Variants in ACTN1 observed in about 807,000 individuals in gnomAD.
ACTN1 encodes actinin alpha 1, also known as alpha-actinin-1.
A neutral mutation model predicts 119.6 loss-of-function variants in ACTN1; 30 were observed. The ratio of observed to expected loss-of-function variants is 0.25; its 90% confidence interval spans 0.19 to 0.34. ACTN1 has a LOEUF of 0.34. Ranked by LOEUF, ACTN1 falls within the 10% of genes least tolerant of loss-of-function variation. ACTN1 has a pLI of 1.00. For synonymous variants in ACTN1, 429 were observed against 472.6 expected (o/e 0.91, Z 1.20); for missense variants, 764 against 1,223.4 (o/e 0.62, Z 5.60).
At position 68,885,879 on chromosome 14, in the gene ACTN1, C is replaced by G. The variant is rs1196573683; in HGVS notation, c.1235-304G>C. Reference sequence around the variant, plus strand: ...GACGCTATACACACAGCGGGAAACACAGCCATCCACACCCTCTGGTATAAC... The same window carrying G: ...GACGCTATACACACAGCGGGAAACAGAGCCATCCACACCCTCTGGTATAAC... On this transcript the variant is annotated intron_variant, in intron 11 of 21. Transcript: ENST00000394419. The surrounding 1 kb of genome is among the most constrained non-coding windows in gnomAD (Gnocchi z 5.6). 8 of 275,506 alleles carry G rather than the reference C, an allele frequency of 2.9e-5. No individual in the cohort carries two copies. The highest frequency in any genetic ancestry group is 4.9e-5 in the Non-Finnish European group (7 of 142,098). The allele number at this position is 275,506 out of a possible 1,614,324, so 17.1% of individuals were successfully genotyped here. A position where few individuals can be genotyped will look rare whatever the true frequency, so the allele number is the denominator to read the frequency against.
chr14:68,878,288 CG>C lies in ACTN1; in HGVS notation c.2427+169del. On this transcript the variant is annotated intron_variant, in intron 20 of 21. Transcript: ENST00000394419. The surrounding 1 kb of genome is among the most constrained non-coding windows in gnomAD (Gnocchi z 4.4). ...TCCCGGATACACACACGCCCGTGGC[CG>C]GGCCGGCTTTCAGGGAGCCATCTTC... The C allele has an allele frequency of 3.1e-6, 3 of 967,914 alleles. No individual in the cohort carries two copies. In the South Asian group the frequency reaches 5.9e-5, roughly 19 times the overall value. 60.0% of individuals were successfully genotyped at this position (967,914 alleles called of 1,614,324 possible). A position where few individuals can be genotyped will look rare whatever the true frequency, so the allele number is the denominator to read the frequency against.
At chr14:68,942,499 AG>A (rs1392479133) in intron 1 of ACTN1, among the ~76,000 whole-genome samples, 2 of 152,204 alleles carry the variant, frequency 1.3e-5, no homozygotes, top group African/African-American at 2.4e-5. Context: ...ACCACCCAGG[AG>A]GAAGTTTCTG....
At position 68,979,152 on chromosome 14, in the gene ACTN1, GGGCT is replaced by G; in HGVS notation, c.-100_-97del. The G allele has an allele frequency of 1.3e-6, 1 of 762,636 alleles. No homozygotes were observed. The highest frequency in any genetic ancestry group is 2.1e-6 in the Non-Finnish European group (1 of 486,122). 47.2% of individuals were successfully genotyped at this position (762,636 alleles called of 1,614,324 possible). A position where few individuals can be genotyped will look rare whatever the true frequency, so the allele number is the denominator to read the frequency against. ...CGTGGGGAGGGAGTAGGGCTGGGCT[GGGCT>G]GGGCTGGCGGGGCCGGGCTCGCTCC... is the stretch of plus-strand genomic sequence containing the variant. On this transcript the variant is annotated 5_prime_UTR_variant, in exon 1 of 22. Transcript: ENST00000394419.
intron 1 of ACTN1, among the ~76,000 whole-genome samples, chr14:68,929,462 G>C (rs1238773872): frequency 3.2e-4 from 48 of 151,942 alleles, no homozygotes; most frequent in African/African-American, 1.0e-3. Flanking sequence ...CCATGTTACT[G>C]CTCAGCCCGA....
intron 20 of ACTN1, chr14:68,877,783 T>C (rs1035344899): frequency 1.3e-5 from 2 of 156,484 alleles, no homozygotes; most frequent in African/African-American, 4.8e-5. Flanking sequence ...TGCACACACT[T>C]AAATTCCTTC....
chr14:68,880,070 G>A lies in ACTN1; in HGVS notation c.2172C>T (p.Ile724=), dbSNP rs763197407. ...TCTCTACCTCATTGATGGTCCTGGC[G>A]ATGGTGGTGAGCAGCTGCTCCCAGC... ...RVGWEQLLTT[I]ARTINEVENQ... Residue 724 remains isoleucine, a synonymous_variant, in exon 18 of 22, where the codon ATC becomes ATT. Coordinates refer to ENST00000394419, the MANE Select transcript of ACTN1 (RefSeq NM_001130004.2). This position sits in a 1 kb window ranked among gnomAD's most constrained non-coding sequence, Gnocchi z 4.6. 7 of 1,614,046 alleles carry A rather than the reference G, an allele frequency of 4.3e-6. No homozygotes were observed. Among genetic ancestry groups the A allele is most frequent in the African/African-American group, 2.7e-5 (2 of 74,938 alleles).
chr14:68,977,840 G>A (rs2037116607), intron 1 of ACTN1: 6 of 415,972 alleles, frequency 1.4e-5, no homozygotes, highest in Non-Finnish European at 2.9e-5. Flanking sequence ...ATCAGCCTGG[G>A]GGTGGGGAGG....
chr14:68,951,457 T>C (rs2036165794), intron 1 of ACTN1, among the ~76,000 whole-genome samples: 1 of 152,148 alleles, frequency 6.6e-6, no homozygotes, highest in African/African-American at 2.4e-5. Context: ...CAGGGCCTTC[T>C]CTTTCTAACC....
chr14:68,938,326 G>T (rs1168706077), intron 1 of ACTN1, among the ~76,000 whole-genome samples: 2 of 152,144 alleles, frequency 1.3e-5, no homozygotes, highest in Non-Finnish European at 2.9e-5. Context: ...GAGTGCTGGG[G>T]TCCTGGAGAT....
chr14:68,941,579 T>C (rs929830189), intron 1 of ACTN1, among the ~76,000 whole-genome samples: 4 of 152,208 alleles, frequency 2.6e-5, no homozygotes, highest in Non-Finnish European at 5.9e-5. Flanking sequence ...ACAGGGATAA[T>C]ACCTTTCTCA....
At chr14:68,924,892 GT>G (rs2140380988) in intron 2 of ACTN1, among the ~76,000 whole-genome samples, 1 of 152,340 alleles carries the variant, frequency 6.6e-6, no homozygotes, top group South Asian at 2.1e-4. Context: ...CAAGCACAGA[GT>G]TTTGGACATG....
chr14:68,952,687 TC>T (rs1404088389), intron 1 of ACTN1, among the ~76,000 whole-genome samples: 1 of 151,870 alleles, frequency 6.6e-6, no homozygotes, highest in East Asian at 1.9e-4. Context: ...GTAGGGACTT[TC>T]CCCCACCCCC....
intron 3 of ACTN1, among the ~76,000 whole-genome samples, chr14:68,913,544 C>T (rs148611417): frequency 1.3e-5 from 2 of 152,332 alleles, no homozygotes; most frequent in African/African-American, 4.8e-5. Flanking sequence ...GGATGGTATA[C>T]TCTAACATCT....
At position 68,887,769 on chromosome 14, in the gene ACTN1, G is replaced by T; in HGVS notation, c.1235-2194C>A. The T allele has an allele frequency of 9.5e-6, 11 of 1,161,898 alleles. No homozygotes were observed. In the South Asian group the frequency reaches 9.8e-5, roughly 10 times the overall value. The allele number at this position is 1,161,898 out of a possible 1,614,324, so 72.0% of individuals were successfully genotyped here. ...GAAGGGAGACAGGGACCACTGATAA[G>T]ACATGGTATATGGTATTAATCAGAC... On this transcript the variant is annotated intron_variant, in intron 11 of 21. Transcript: ENST00000394419.
intron 1 of ACTN1, among the ~76,000 whole-genome samples, chr14:68,972,204 G>T (rs1334598609): frequency 1.3e-5 from 2 of 152,226 alleles, no homozygotes; most frequent in East Asian, 3.9e-4. Flanking sequence ...GCATATCTAT[G>T]ATCTATTCCT....
Position 68,878,819 on chromosome 14 carries a change from G to A in ACTN1, c.2361+170C>T, listed in dbSNP as rs1594749277. The A allele has an allele frequency of 1.3e-6, 2 of 1,592,046 alleles. No individual in the cohort carries two copies. The highest frequency in any genetic ancestry group is 1.1e-5 in the South Asian group (1 of 89,920). On this transcript the variant is annotated intron_variant, in intron 19 of 21. Transcript: ENST00000394419. This position sits in a 1 kb window ranked among gnomAD's most constrained non-coding sequence, Gnocchi z 4.4. ...AGGTTGCCATGAAAGACAGCAGAGG[G>A]CAGAGGGTGGACCAGTGATGGGGCA... is the stretch of plus-strand genomic sequence containing the variant.
Position 68,979,092 on chromosome 14 carries a change from T to C in ACTN1, c.-36A>G. The C allele has an allele frequency of 7.4e-7, 1 of 1,349,926 alleles. No homozygotes were observed. Among genetic ancestry groups the C allele is most frequent in the African/African-American group, 1.5e-5 (1 of 66,552 alleles). The allele number at this position is 1,349,926 out of a possible 1,614,324, so 83.6% of individuals were successfully genotyped here. ...GCGTGCTAGGGTCTGGATTTCTTCC[T>C]CCACCTTCTCTCTGAGCAACGGCTG... On this transcript the variant is annotated 5_prime_UTR_variant, in exon 1 of 22. Transcript: ENST00000394419.
At chr14:68,943,327 C>A (rs2140499690) in intron 1 of ACTN1, among the ~76,000 whole-genome samples, 1 of 152,348 alleles carries the variant, frequency 6.6e-6, no homozygotes, top group Non-Finnish European at 1.5e-5. Context: ...GATCTGTCCA[C>A]CTCTGCTGAG....
intron 8 of ACTN1, among the ~76,000 whole-genome samples, chr14:68,894,401 C>A (rs2032725646): frequency 6.6e-6 from 1 of 152,222 alleles, no homozygotes; most frequent in Admixed American, 6.5e-5. Flanking sequence ...GCTAAGCACA[C>A]ATCATGCGCT....
Sources: allele counts gnomAD v4.1 joint callset (sites outside exome capture counted in the v4.1 genomes callset), GRCh38; gene constraint gnomAD v4.1.1; non-coding constraint Gnocchi (gnomAD v3.1); transcripts MANE v1.5; gene names NCBI Gene and HGNC (gene_info 2026-07-23, HGNC 2026-07-21).